WDR7: variants seen among roughly 807,000 people sequenced by gnomAD.
WDR7 encodes WD repeat domain 7.
WDR7 carries 46 observed loss-of-function variants against 169.4 expected under a neutral mutation model. That is an observed-to-expected ratio of 0.27 (90% CI 0.21 to 0.35). The LOEUF is 0.35. WDR7 is among the 10% of genes least tolerant of loss of function. The probability of loss-of-function intolerance (pLI) is 1.00; values close to 1 mark genes in which losing one functional copy is unlikely to be tolerated. For synonymous variants in WDR7, 612 were observed against 666.8 expected (o/e 0.92, Z 1.27); for missense variants, 1,534 against 1,859.3 (o/e 0.83, Z 3.22).
intron 20 of WDR7, among the ~76,000 whole-genome samples, chr18:56,837,548 A>C (rs2045414133): frequency 6.6e-6 from 1 of 152,346 alleles, no homozygotes; most frequent in African/African-American, 2.4e-5. Flanking sequence ...AAGAAACATA[A>C]GGGAAAAATA....
chr18:56,820,220 T>C (rs977500888), intron 20 of WDR7, among the ~76,000 whole-genome samples: 4 of 150,760 alleles, frequency 2.7e-5, no homozygotes, highest in African/African-American at 9.7e-5. Context: ...TGTATGCCTT[T>C]AAGAAAGTTC....
At chr18:56,834,185 A>G (rs533324151) in intron 20 of WDR7, among the ~76,000 whole-genome samples, 2 of 152,168 alleles carry the variant, frequency 1.3e-5, no homozygotes, top group African/African-American at 2.4e-5. Context: ...CAGCACAACA[A>G]TCTCTCTACT....
At chr18:56,778,685 G>T (rs1448019576) in intron 17 of WDR7, among the ~76,000 whole-genome samples, 2 of 152,116 alleles carry the variant, frequency 1.3e-5, no homozygotes, top group Admixed American at 6.6e-5. Context: ...GGCATACAGT[G>T]TTTGTCTTTT....
chr18:56,718,215 C>A, intron 13 of WDR7, 56 bp downstream of exon 13: 1 of 1,355,738 alleles, frequency 7.4e-7, no homozygotes. Context: ...ATTTCATTTT[C>A]TAGAAATGAA....
At position 57,027,310 on chromosome 18, in the gene WDR7, C is replaced by T. The variant is rs1487900086; in HGVS notation, c.*103C>T. 3.5e-6 allele frequency: 5 copies of T among 1,411,086 alleles called. No homozygotes were observed. Among genetic ancestry groups the T allele is most frequent in the East Asian group, 5.0e-5 (2 of 40,072 alleles). 87.4% of individuals were successfully genotyped at this position (1,411,086 alleles called of 1,614,324 possible). ...CAGATTGTTCCCAGGGGCCTGCCCA[C>T]CCCAGTGCCATCCAGTGGCACGGCC... On this transcript the variant is annotated 3_prime_UTR_variant, in exon 28 of 28. Transcript: ENST00000254442.
intron 20 of WDR7, among the ~76,000 whole-genome samples, chr18:56,822,153 G>T (rs1414730273): frequency 6.6e-6 from 1 of 151,848 alleles, no homozygotes; most frequent in African/African-American, 2.4e-5. Context: ...ATCTCCATTA[G>T]GAAAAAAATC....
At chr18:56,771,200 C>T (rs1292489686) in intron 16 of WDR7, among the ~76,000 whole-genome samples, 3 of 152,162 alleles carry the variant, frequency 2.0e-5, no homozygotes, top group Admixed American at 2.0e-4. Context: ...ATCATAGCTG[C>T]TAATATAATT....
intron 19 of WDR7, 76 bp downstream of exon 19, chr18:56,781,732 G>A: frequency 7.6e-7 from 1 of 1,324,114 alleles, no homozygotes; most frequent in Admixed American, 2.9e-5. Flanking sequence ...AAATATATAT[G>A]CTACTACCCA....
At chr18:56,878,225 T>C (rs2046054263) in intron 20 of WDR7, among the ~76,000 whole-genome samples, 1 of 152,198 alleles carries the variant, frequency 6.6e-6, no homozygotes, top group Admixed American at 6.5e-5. Flanking sequence ...TTCTAATCTT[T>C]CTTCTGAATA....
intron 19 of WDR7, among the ~76,000 whole-genome samples, chr18:56,813,131 GTAAC>G (rs1268215750): frequency 1.3e-5 from 2 of 150,636 alleles, no homozygotes; most frequent in African/African-American, 2.4e-5. Flanking sequence ...GTATACATAT[GTAAC>G]TAACCTGCAC....
rs558998095 is a variant in WDR7 at position 56,694,553 on chromosome 18, G to A, written c.967-66G>A. ...ATTACCTAATATCTTTGTTTGAAAA[G>A]CATTAATGTGTGAAATATTTTGATT... On this transcript the variant is annotated intron_variant, in intron 9 of 27. Transcript: ENST00000254442. The A allele has an allele frequency of 1.1e-5, 16 of 1,490,954 alleles. No individual in the cohort carries two copies. In the African/African-American group the frequency reaches 2.1e-4, roughly 19 times the overall value. The allele number at this position is 1,490,954 out of a possible 1,614,324, so 92.4% of individuals were successfully genotyped here.
chr18:56,841,571 T>C (rs1303507798), intron 20 of WDR7, among the ~76,000 whole-genome samples: 4 of 149,064 alleles, frequency 2.7e-5, no homozygotes, highest in Non-Finnish European at 4.5e-5. Flanking sequence ...GATACAACAA[T>C]GGGGATGTTT....
In WDR7 at chr18:56,784,767, CCTTT is replaced by C. The variant is rs1488883344; in HGVS notation, c.3190+3114_3190+3117del. Among the ~76,000 whole-genome samples the C allele has an allele frequency of 2.0e-5, 3 of 152,062 alleles. No individual in the cohort carries two copies. In the East Asian group the frequency reaches 5.8e-4, roughly 29 times the overall value. On this transcript the variant is annotated intron_variant, in intron 19 of 27. Transcript: ENST00000254442. ...AGGCTGTTCTTATGTCATATTTAAACCTTTCTGTTTATGTATTATGTTTATGTTG... is the reference window on the plus strand; with the variant it reads ...AGGCTGTTCTTATGTCATATTTAAACCTGTTTATGTATTATGTTTATGTTG...
intron 26 of WDR7, among the ~76,000 whole-genome samples, chr18:57,007,394 T>C (rs7245250): frequency 3.9e-4 from 59 of 152,328 alleles, no homozygotes; most frequent in African/African-American, 1.4e-3. Context: ...ACATAATTTG[T>C]GGATAACTGA....
chr18:57,007,049 A>G (rs1161509586), intron 26 of WDR7, among the ~76,000 whole-genome samples: 2 of 148,076 alleles, frequency 1.4e-5, no homozygotes, highest in African/African-American at 2.5e-5. Flanking sequence ...GCCCAATCTC[A>G]GCTCACTGCA....
In WDR7 at chr18:56,712,207, T is replaced by C. The variant is rs565593836; in HGVS notation, c.1579-5757T>C. On this transcript the variant is annotated intron_variant, in intron 12 of 27. Coordinates refer to ENST00000254442, the MANE Select transcript of WDR7 (RefSeq NM_015285.3). ...GAGCTAGTGGATGGGATAAACTAGCTGTCTCTGATTTCTGTAATTCATGGC... is the reference window on the plus strand; with the variant it reads ...GAGCTAGTGGATGGGATAAACTAGCCGTCTCTGATTTCTGTAATTCATGGC... Among the ~76,000 whole-genome samples the C allele has an allele frequency of 3.3e-5, 5 of 152,366 alleles. No individual in the cohort carries two copies. In the East Asian group the frequency reaches 7.7e-4, roughly 23 times the overall value.
At chr18:56,911,495 G>A (rs2046551141) in intron 21 of WDR7, among the ~76,000 whole-genome samples, 1 of 152,108 alleles carries the variant, frequency 6.6e-6, no homozygotes, top group South Asian at 2.1e-4. Context: ...GTCAGTGTTT[G>A]TCCATTTACC....
chr18:56,980,227 TC>T (rs1482971843), intron 26 of WDR7, among the ~76,000 whole-genome samples: 1 of 152,222 alleles, frequency 6.6e-6, no homozygotes, highest in African/African-American at 2.4e-5. Context: ...TGAGCTATCC[TC>T]TTTCCCTCAG....
At chr18:56,877,064 T>C (rs974058851) in intron 20 of WDR7, among the ~76,000 whole-genome samples, 1 of 151,956 alleles carries the variant, frequency 6.6e-6, no homozygotes, top group African/African-American at 2.4e-5. Flanking sequence ...TGATAAAACA[T>C]ATATTTCCAG....
Sources: allele counts gnomAD v4.1 joint callset (sites outside exome capture counted in the v4.1 genomes callset), GRCh38; gene constraint gnomAD v4.1.1; transcripts MANE v1.5; gene names NCBI Gene and HGNC (gene_info 2026-07-23, HGNC 2026-07-21).